TCF4: variants seen among roughly 807,000 people sequenced by gnomAD.
The protein encoded by TCF4 is SL3-3 enhancer factor 2.
TCF4 carries 3 observed loss-of-function variants against 82.1 expected under a neutral mutation model. The observed-to-expected ratio is 0.04, with a 90% confidence interval of 0.02 to 0.09. TCF4 has a LOEUF of 0.09. Among genes scored for constraint, TCF4 ranks in the 10% least tolerant of loss-of-function variants. The pLI is 1.00. For missense variants in TCF4, 518 were observed against 852.7 expected, an observed-to-expected ratio of 0.61 and a Z score of 4.89; for synonymous variants, 276 against 309.6, an observed-to-expected ratio of 0.89 and a Z score of 1.14.
rs80218909 is a variant in TCF4, at chr18:55,533,261, T to A, written c.145+52019A>T. On this transcript the variant is annotated intron_variant, in intron 3 of 19. Transcript: ENST00000354452. ...GCATGCAACCCACCTTCCCCCATTA[T>A]TACAGGCAGGCTCAGGTAAAGCACT... 3.5e-3 allele frequency among the ~76,000 whole-genome samples: 536 copies of A among 152,286 alleles called. 1 individual carries two copies. Among genetic ancestry groups the A allele is most frequent in the Middle Eastern group, 0.017 (5 of 292 alleles).
intron 15 of TCF4, among the ~76,000 whole-genome samples, chr18:55,241,324 G>C (rs997749439): frequency 6.6e-6 from 1 of 152,200 alleles, no homozygotes; most frequent in African/African-American, 2.4e-5. Flanking sequence ...ACTGGAGAGA[G>C]CTCACCTAGC....
At position 55,223,210 on chromosome 18, in the gene TCF4, T is replaced by TAGAC. The variant is rs2046100391; in HGVS notation, c.*4821_*4824dup. ...ATATTCCTTCAATTAGTTAATCCTC[T>TAGAC]AGACAGTTTTCTTTTTGTTTTGCAT... On this transcript the variant is annotated 3_prime_UTR_variant, in exon 20 of 20. Transcript: ENST00000354452. 1 of 152,220 alleles carries TAGAC rather than the reference T, an allele frequency of 6.6e-6. No homozygotes were observed. Among genetic ancestry groups the TAGAC allele is most frequent in the African/African-American group, 2.4e-5 (1 of 41,464 alleles). The allele number at this position is 152,220 out of a possible 1,614,324, so 9.4% of individuals were successfully genotyped here.
At chr18:55,451,743 C>A (rs1402997556) in intron 5 of TCF4, among the ~76,000 whole-genome samples, 1 of 152,120 alleles carries the variant, frequency 6.6e-6, no homozygotes, top group East Asian at 1.9e-4. Context: ...AACCCCGCCA[C>A]CCAAGATCCA....
chr18:55,397,069 C>T (rs1009397629), intron 6 of TCF4, among the ~76,000 whole-genome samples: 2 of 152,118 alleles, frequency 1.3e-5, no homozygotes, highest in Non-Finnish European at 2.9e-5. Flanking sequence ...GGTATCTGTC[C>T]ATTGCTAAAG....
At chr18:55,502,176 A>G (rs908919651) in intron 3 of TCF4, among the ~76,000 whole-genome samples, 1 of 152,200 alleles carries the variant, frequency 6.6e-6, no homozygotes, top group Admixed American at 6.5e-5. Flanking sequence ...AAAAGTTTCT[A>G]TTTCTGATAT....
intron 3 of TCF4, among the ~76,000 whole-genome samples, chr18:55,570,062 T>A (rs186083464): frequency 7.2e-5 from 11 of 152,156 alleles, no homozygotes; most frequent in Admixed American, 2.6e-4. Flanking sequence ...GTAGCCAAAC[T>A]AACCAAGTAG....
Position 55,259,985 on chromosome 18 carries a change from G to A in TCF4, c.1033C>T (p.Pro345Ser), listed in dbSNP as rs760747809. The change falls in exon 13 of 20, where the codon CCT becomes TCT. Residue 345 changes from proline to serine, a missense_variant. Coordinates refer to ENST00000354452, the MANE Select transcript of TCF4 (RefSeq NM_001083962.2). ...DHTNNSFSSN[P>S]STPVGSPPSL... ...GGAGGAGAGCCAACAGGAGTTGAAG[G>A]GTTTGATGAAAAGCTGTTGTTAGTG... The A allele has an allele frequency of 6.2e-7, 1 of 1,613,350 alleles. No individual in the cohort carries two copies. Among genetic ancestry groups the A allele is most frequent in the Non-Finnish European group, 8.5e-7 (1 of 1,179,576 alleles).
At chr18:55,419,476 T>C (rs1404612634) in intron 5 of TCF4, among the ~76,000 whole-genome samples, 1 of 152,198 alleles carries the variant, frequency 6.6e-6, no homozygotes, top group African/African-American at 2.4e-5. Flanking sequence ...TTTTGTCTTG[T>C]CAAGTGTTTT....
chr18:55,591,992 G>A (rs1315560952), upstream of TCF4, among the ~76,000 whole-genome samples: 2 of 152,132 alleles, frequency 1.3e-5, no homozygotes, highest in Non-Finnish European at 2.9e-5. Context: ...ACAAATGTGG[G>A]TGTTTTGTCT....
Position 55,261,032 on chromosome 18 carries a change from AATTATG to A in TCF4, c.990+428_990+433del. The A allele has an allele frequency of 2.5e-5, 4 of 159,788 alleles. No homozygotes were observed. The East Asian group carries it at 7.2e-4, about 29-fold the overall frequency. The allele number at this position is 159,788 out of a possible 1,614,324, so 9.9% of individuals were successfully genotyped here. A position where few individuals can be genotyped will look rare whatever the true frequency, so the allele number is the denominator to read the frequency against. On this transcript the variant is annotated intron_variant, in intron 12 of 19. Transcript: ENST00000354452. Reference sequence around the variant, plus strand: ...AGAGAAGCTGAGTCCCCCAGGTGCCAATTATGTGACAGTTCTTCATGGACCTCAGTT... The same window carrying A: ...AGAGAAGCTGAGTCCCCCAGGTGCCATGACAGTTCTTCATGGACCTCAGTT...
rs1396358982 is a variant in TCF4 at position 55,353,285 on chromosome 18, G to T, written c.370-2282C>A. 3.9e-5 allele frequency among the ~76,000 whole-genome samples: 6 copies of T among 152,234 alleles called. No individual in the cohort carries two copies. In the East Asian group the frequency reaches 1.2e-3, roughly 29 times the overall value. ...ACAGGCTGTGGTTGACCTTATTGTT[G>T]TTAACTTAAAAGAAAATAATTTCAT... On this transcript the variant is annotated intron_variant, in intron 6 of 19. Transcript: ENST00000354452.
intron 5 of TCF4, among the ~76,000 whole-genome samples, chr18:55,415,033 C>A (rs1047662205): frequency 6.6e-6 from 1 of 152,194 alleles, no homozygotes; most frequent in African/African-American, 2.4e-5. Flanking sequence ...GACAAATAAT[C>A]ATATTTCAAA....
At chr18:55,510,780 G>C (rs1398139861) in intron 3 of TCF4, 2 of 1,246,092 alleles carry the variant, frequency 1.6e-6, no homozygotes, top group Non-Finnish European at 2.0e-6. Flanking sequence ...GATGACCGTA[G>C]ATTTTAATTT....
At chr18:55,403,993 G>GTC (rs748773770) in intron 5 of TCF4, 139 of 1,212,348 alleles carry the variant, frequency 1.1e-4, no homozygotes, top group Admixed American at 4.0e-4. Context: ...AAAATTCTGA[G>GTC]TCTCTCTCTC....
chr18:55,387,483 G>C (rs1268004127), intron 6 of TCF4, among the ~76,000 whole-genome samples: 2 of 152,250 alleles, frequency 1.3e-5, no homozygotes, highest in African/African-American at 4.8e-5. Context: ...TAGAGGCTCA[G>C]ACATATTAAT....
intron 16 of TCF4, among the ~76,000 whole-genome samples, chr18:55,234,263 T>C (rs1043780701): frequency 6.6e-6 from 1 of 152,154 alleles, no homozygotes; most frequent in Admixed American, 6.5e-5. Context: ...ATGAGAAAAA[T>C]GTGGAAATAG....
chr18:55,630,450 G>A (rs757857145), intron 2 of TCF4, among the ~76,000 whole-genome samples: 1 of 152,168 alleles, frequency 6.6e-6, no homozygotes, highest in African/African-American at 2.4e-5. Context: ...TATGCTAACT[G>A]AGACTACCAA....
chr18:55,435,720 C>T (rs973137731), intron 5 of TCF4, among the ~76,000 whole-genome samples: 21 of 152,336 alleles, frequency 1.4e-4, no homozygotes, highest in Middle Eastern at 3.4e-3. Flanking sequence ...CTCAAACACG[C>T]CTCCATCCAT....
chr18:55,314,576 A>C (rs913291438), intron 8 of TCF4, among the ~76,000 whole-genome samples: 2 of 151,440 alleles, frequency 1.3e-5, no homozygotes, highest in Non-Finnish European at 2.9e-5. Flanking sequence ...CTTAAAAAAA[A>C]AAAAAGACCA....
Sources: gnomAD v4.1 joint callset for allele counts (sites outside exome capture counted in the v4.1 genomes callset) on GRCh38, gnomAD v4.1.1 for gene constraint, MANE v1.5 for transcripts, NCBI Gene and HGNC (gene_info 2026-07-23, HGNC 2026-07-21) for gene names.